Variants in MIOS observed in about 807,000 individuals in gnomAD.
MIOS encodes GATOR2 complex protein MIOS.
Under a neutral mutation model 96.9 loss-of-function variants are expected in MIOS, and 52 were observed. That is an observed-to-expected ratio of 0.54 (90% CI 0.43 to 0.68). MIOS has a LOEUF of 0.68. Among genes scored for constraint, MIOS ranks in the 30% least tolerant of loss-of-function variants. MIOS has a pLI of 0.00. For missense variants in MIOS, 1,005 were observed against 1,052.8 expected (o/e 0.95, Z 0.63); for synonymous variants, 397 against 359.5 (o/e 1.10, Z -1.18).
At chr7:7,584,967 T>C (rs1783839838) in intron 6 of MIOS, among the ~76,000 whole-genome samples, 1 of 152,170 alleles carries the variant, frequency 6.6e-6, no homozygotes, top group Non-Finnish European at 1.5e-5. Flanking sequence ...GTTCATTTTG[T>C]CCTGGAAAAA....
chr7:7,598,823 T>C (rs1784289729), intron 11 of MIOS, among the ~76,000 whole-genome samples: 1 of 152,174 alleles, frequency 6.6e-6, no homozygotes, highest in Admixed American at 6.5e-5. Context: ...TTAAAACATT[T>C]GAAATTCTTT....
Position 7,608,897 on chromosome 7 carries a change from G to T in MIOS, c.*1805G>T, listed in dbSNP as rs1286688112. The stretch of plus-strand genomic sequence containing the variant: ...GTGACATTTTTAAGATTGTATGTAT[G>T]TGTCAACCTCTTAAATGTTTTCTGT... On this transcript the variant is annotated 3_prime_UTR_variant, in exon 13 of 13. Coordinates refer to ENST00000340080, the MANE Select transcript of MIOS (RefSeq NM_019005.4). 6.6e-6 allele frequency: 1 copy of T among 152,002 alleles called. No individual in the cohort carries two copies. Among genetic ancestry groups the T allele is most frequent in the African/African-American group, 2.4e-5 (1 of 41,418 alleles). The allele number at this position is 152,002 out of a possible 1,614,324, so 9.4% of individuals were successfully genotyped here.
chr7:7,585,407 A>AACC (rs2115416904), intron 6 of MIOS, among the ~76,000 whole-genome samples: 1 of 50,184 alleles, frequency 2.0e-5, no homozygotes, highest in Non-Finnish European at 5.4e-5. Context: ...TCAAAACCCA[A>AACC]ACCCCCCCCT....
At chr7:7,589,895 G>T (rs544296676) in intron 9 of MIOS, among the ~76,000 whole-genome samples, 2 of 152,258 alleles carry the variant, frequency 1.3e-5, no homozygotes, top group Non-Finnish European at 1.5e-5. Flanking sequence ...GGCTTTTCCT[G>T]ATCTCAACTA....
intron 9 of MIOS, 45 bp from the exon 10 acceptor site, chr7:7,594,935 C>A: frequency 6.7e-7 from 1 of 1,502,642 alleles, no homozygotes; most frequent in Non-Finnish European, 9.0e-7. Flanking sequence ...TCTGGCCTAG[C>A]CAGGAGATTT....
chr7:7,592,337 A>AG (rs1784073549), intron 9 of MIOS, among the ~76,000 whole-genome samples: 2 of 152,244 alleles, frequency 1.3e-5, no homozygotes, highest in South Asian at 4.1e-4. Context: ...GTCTGCTGTT[A>AG]AACTTCCCAG....
intron 5 of MIOS, among the ~76,000 whole-genome samples, chr7:7,578,383 T>G (rs890540444): frequency 6.6e-6 from 1 of 152,200 alleles, no homozygotes; most frequent in Non-Finnish European, 1.5e-5. Context: ...ATATTTTTCA[T>G]GCTTAAAGAG....
At chr7:7,586,706 A>G (rs916753064) in intron 7 of MIOS, among the ~76,000 whole-genome samples, 1 of 152,190 alleles carries the variant, frequency 6.6e-6, no homozygotes, top group Non-Finnish European at 1.5e-5. Flanking sequence ...GTACTTTATT[A>G]CTTTTAATAA....
chr7:7,590,366 CTTG>C, intron 9 of MIOS, among the ~76,000 whole-genome samples: 1 of 152,246 alleles, frequency 6.6e-6, no homozygotes, highest in South Asian at 2.1e-4. Flanking sequence ...AACATTTTTT[CTTG>C]TTGAGATAAA....
chr7:7,595,500 CCTATAT>C (rs1316555633), intron 10 of MIOS, among the ~76,000 whole-genome samples: 14 of 152,046 alleles, frequency 9.2e-5, no homozygotes, highest in Admixed American at 6.6e-4. Flanking sequence ...AGCAGTATTA[CCTATAT>C]CTATATGTTT....
At chr7:7,576,153 T>A (rs1783524971) in intron 5 of MIOS, among the ~76,000 whole-genome samples, 1 of 152,200 alleles carries the variant, frequency 6.6e-6, no homozygotes, top group African/African-American at 2.4e-5. Context: ...TTGCTATGAA[T>A]TAGTTGCTTT....
chr7:7,590,466 T>G (rs775997145), intron 9 of MIOS, among the ~76,000 whole-genome samples: 3 of 152,270 alleles, frequency 2.0e-5, no homozygotes, highest in Non-Finnish European at 4.4e-5. Context: ...CCAAGATTTA[T>G]AAAATATATT....
intron 6 of MIOS, among the ~76,000 whole-genome samples, chr7:7,585,047 C>T (rs926843935): frequency 2.0e-5 from 3 of 152,016 alleles, no homozygotes; most frequent in African/African-American, 7.2e-5. Flanking sequence ...CACTTATATA[C>T]ATAAGTGTCT....
chr7:7,609,134 A>C (rs1784600580), downstream of MIOS, among the ~76,000 whole-genome samples: 1 of 152,090 alleles, frequency 6.6e-6, no homozygotes, highest in Non-Finnish European at 1.5e-5. Context: ...GGTTGAAGTC[A>C]TTGTATCTAA....
intron 3 of MIOS, among the ~76,000 whole-genome samples, chr7:7,568,722 T>A (rs1341929295): frequency 2.6e-5 from 4 of 152,228 alleles, no homozygotes; most frequent in African/African-American, 7.2e-5. Context: ...TTCTTTGCAG[T>A]AATCTAGGAC....
At chr7:7,588,613 C>A in intron 8 of MIOS, 50 bp downstream of exon 8, 2 of 1,200,564 alleles carry the variant, frequency 1.7e-6, no homozygotes, top group Non-Finnish European at 2.3e-6. Flanking sequence ...TGTACTGTCA[C>A]AATTATGTAA....
At chr7:7,593,932 A>G (rs913629224) in intron 9 of MIOS, among the ~76,000 whole-genome samples, 4 of 151,840 alleles carry the variant, frequency 2.6e-5, no homozygotes, top group South Asian at 2.1e-4. Context: ...TAAAGCAAGC[A>G]TAGATGAAAT....
intron 11 of MIOS, among the ~76,000 whole-genome samples, chr7:7,600,997 T>G (rs1187634456): frequency 1.3e-5 from 2 of 152,058 alleles, no homozygotes; most frequent in African/African-American, 2.4e-5. Context: ...AAGGCAGAAA[T>G]AAAGATGTTC....
At chr7:7,591,223 C>T (rs924274597) in intron 9 of MIOS, among the ~76,000 whole-genome samples, 5 of 151,648 alleles carry the variant, frequency 3.3e-5, no homozygotes, top group African/African-American at 1.2e-4. Flanking sequence ...TGTCTTCTGG[C>T]CTCTGTTGTT....
Sources: allele counts gnomAD v4.1 joint callset (sites outside exome capture counted in the v4.1 genomes callset), GRCh38; gene constraint gnomAD v4.1.1; transcripts MANE v1.5; gene names NCBI Gene and HGNC (gene_info 2026-07-23, HGNC 2026-07-21).